Variants in KMT2A observed in about 807,000 individuals in gnomAD.
The protein encoded by KMT2A is histone-lysine N-methyltransferase 2A.
In KMT2A, 16 loss-of-function variants were observed where a neutral mutation model predicts 345.3. That is an observed-to-expected ratio of 0.05 (90% CI 0.03 to 0.07). KMT2A has a LOEUF of 0.07. Among genes scored for constraint, KMT2A ranks in the 10% least tolerant of loss-of-function variants. The pLI, the probability that KMT2A is intolerant of heterozygous loss-of-function variation, is 1.00. For missense variants in KMT2A, 3,272 were observed against 4,841.6 expected, an observed-to-expected ratio of 0.68 and a Z score of 9.62; for synonymous variants, 1,599 against 1,778.6, an observed-to-expected ratio of 0.90 and a Z score of 2.54.
intron 7 of KMT2A, 151 bp downstream of exon 7, chr11:118,482,243 A>G: frequency 1.9e-6 from 2 of 1,030,154 alleles, no homozygotes; most frequent in Admixed American, 3.0e-5. Flanking sequence ...ATGTTTAATA[A>G]TAAAGAAACA....
intron 1 of KMT2A, among the ~76,000 whole-genome samples, chr11:118,461,136 C>T (rs1264902862): frequency 6.6e-6 from 1 of 152,144 alleles, no homozygotes; most frequent in Non-Finnish European, 1.5e-5. Context: ...TTAGGGTTCA[C>T]TTAGGTTCTT....
chr11:118,454,740 T>TGG lies in KMT2A; in HGVS notation c.433-14034_433-14033dup, dbSNP rs1456446866. Among the ~76,000 whole-genome samples the TGG allele has an allele frequency of 2.0e-5, 3 of 152,336 alleles. No individual in the cohort carries two copies. In the South Asian group the frequency reaches 6.2e-4, roughly 32 times the overall value. ...CTGTCTGTCCATTAACAACTGAACG[T>TGG]GGCCATGTTCCAATACAATTTTATT... On this transcript the variant is annotated intron_variant, in intron 1 of 35. Coordinates refer to ENST00000534358, the MANE Select transcript of KMT2A (RefSeq NM_001197104.2).
chr11:118,501,231 G>A, intron 25 of KMT2A, 84 bp downstream of exon 25: 1 of 1,294,990 alleles, frequency 7.7e-7, no homozygotes, highest in South Asian at 1.3e-5. Flanking sequence ...GCTGAGGCAG[G>A]TGAATCACTT....
At chr11:118,456,604 C>G (rs1949648968) in intron 1 of KMT2A, among the ~76,000 whole-genome samples, 1 of 152,112 alleles carries the variant, frequency 6.6e-6, no homozygotes, top group African/African-American at 2.4e-5. Context: ...TCCCAAAGTG[C>G]TAGGATTACA....
intron 11 of KMT2A, 32 bp from the exon 12 acceptor site, chr11:118,489,760 G>A (rs1555041966): frequency 6.3e-7 from 1 of 1,579,186 alleles, no homozygotes; most frequent in Admixed American, 1.7e-5. Context: ...GTAATATGAT[G>A]CTTATCTTTT....
intron 22 of KMT2A, 146 bp from the exon 23 acceptor site, chr11:118,499,157 T>C: frequency 1.6e-6 from 1 of 609,294 alleles, no homozygotes; most frequent in Middle Eastern, 2.7e-4. Flanking sequence ...ACCACCTCTT[T>C]TGGGAAATAC....
chr11:118,512,807 T>G (rs1425107687), intron 31 of KMT2A, among the ~76,000 whole-genome samples: 9 of 152,078 alleles, frequency 5.9e-5, no homozygotes, highest in Non-Finnish European at 1.0e-4. Flanking sequence ...TTTTTTGTTT[T>G]TTTTTTTTTA....
chr11:118,440,920 G>A (rs782172505), intron 1 of KMT2A, among the ~76,000 whole-genome samples: 4 of 151,788 alleles, frequency 2.6e-5, no homozygotes, highest in Non-Finnish European at 4.4e-5. Flanking sequence ...TGGAGTGCAC[G>A]AAGCCTCCGA....
chr11:118,493,342 A>G lies in KMT2A; in HGVS notation c.5178+112A>G, dbSNP rs531063854. The G allele has an allele frequency of 2.5e-6, 2 of 810,524 alleles. No individual in the cohort carries two copies. The highest frequency in any genetic ancestry group is 3.7e-6 in the Non-Finnish European group (2 of 538,564). 50.2% of individuals were successfully genotyped at this position (810,524 alleles called of 1,614,324 possible). ...TTTAAAAATGAATTGTATTATATTT[A>G]GAAATGTCACGTGGCTTTAGATACC... On this transcript the variant is annotated intron_variant, in intron 16 of 35. Transcript: ENST00000534358. The surrounding 1 kb of genome is among the most constrained non-coding windows in gnomAD (Gnocchi z 5.8).
At chr11:118,456,635 G>T (rs1223789543) in intron 1 of KMT2A, among the ~76,000 whole-genome samples, 11 of 152,146 alleles carry the variant, frequency 7.2e-5, no homozygotes, top group African/African-American at 2.4e-4. Context: ...GCCGCGCCTG[G>T]CATGCCTATA....
At chr11:118,463,178 G>A (rs930942217) in intron 1 of KMT2A, among the ~76,000 whole-genome samples, 1 of 149,618 alleles carries the variant, frequency 6.7e-6, no homozygotes, top group African/African-American at 2.5e-5. Context: ...GGCTGGTCTT[G>A]CACTCCTGGG....
rs1460792774 is a variant in KMT2A, at chr11:118,525,950, TTTTG to T, written c.*3786_*3789del. ...TCACACACTCTGGAAACTTGCAACT[TTTTG>T]TTTGTTTTGGTTTTCAAATAAATAT... On this transcript the variant is annotated 3_prime_UTR_variant, in exon 36 of 36. Transcript: ENST00000534358. 1.2e-4 allele frequency: 26 copies of T among 223,262 alleles called. No individual in the cohort carries two copies. Among genetic ancestry groups the T allele is most frequent in the Non-Finnish European group, 1.7e-4 (19 of 111,818 alleles). The allele number at this position is 223,262 out of a possible 1,614,324, so 13.8% of individuals were successfully genotyped here. A position where few individuals can be genotyped will look rare whatever the true frequency, so the allele number is the denominator to read the frequency against.
chr11:118,483,270 C>T (rs1433674255), intron 8 of KMT2A, among the ~76,000 whole-genome samples: 2 of 151,020 alleles, frequency 1.3e-5, no homozygotes, highest in Non-Finnish European at 2.9e-5. Flanking sequence ...CGGTGGCTCA[C>T]GCCTGTAATC....
intron 1 of KMT2A, among the ~76,000 whole-genome samples, chr11:118,442,331 G>A (rs550920870): frequency 6.6e-6 from 1 of 152,306 alleles, no homozygotes; most frequent in Non-Finnish European, 1.5e-5. Context: ...TATTTTCAGG[G>A]ATTAAGAAAG....
chr11:118,445,441 G>A (rs1356260831), intron 1 of KMT2A, among the ~76,000 whole-genome samples: 5 of 152,144 alleles, frequency 3.3e-5, no homozygotes, highest in African/African-American at 1.2e-4. Context: ...GCACTTGGTC[G>A]TTCCTTATAA....
intron 1 of KMT2A, among the ~76,000 whole-genome samples, chr11:118,439,954 TA>T (rs1411798059): frequency 6.6e-6 from 1 of 151,712 alleles, no homozygotes; most frequent in Non-Finnish European, 1.5e-5. Flanking sequence ...ATAGCCTTAC[TA>T]ATCAATGATA....
intron 1 of KMT2A, among the ~76,000 whole-genome samples, chr11:118,444,840 GT>G (rs1203898970): frequency 6.6e-6 from 1 of 152,162 alleles, no homozygotes; most frequent in Non-Finnish European, 1.5e-5. Flanking sequence ...CTCCCAAAGT[GT>G]TGGGATTACA....
intron 10 of KMT2A, among the ~76,000 whole-genome samples, chr11:118,486,341 G>A (rs1950228628): frequency 6.7e-6 from 1 of 149,708 alleles, no homozygotes; most frequent in African/African-American, 2.5e-5. Context: ...TAAGAGTGTG[G>A]TTGGATTATG....
chr11:118,509,303 ATCTAAGCTCC>A, intron 29 of KMT2A, 103 bp downstream of exon 29: 2 of 951,118 alleles, frequency 2.1e-6, no homozygotes, highest in Non-Finnish European at 3.1e-6. Context: ...AAAAAAAAAA[ATCTAAGCTCC>A]AAAGAAGTTA....
Sources: gnomAD v4.1 joint callset for allele counts (sites outside exome capture counted in the v4.1 genomes callset) on GRCh38, gnomAD v4.1.1 for gene constraint, Gnocchi (gnomAD v3.1) non-coding constraint, MANE v1.5 for transcripts, NCBI Gene and HGNC (gene_info 2026-07-23, HGNC 2026-07-21) for gene names.